The following FZD3 variants were observed in gnomAD, a reference collection of about 807,000 sequenced individuals.
FZD3 encodes frizzled-3.
Under a neutral mutation model 60.7 loss-of-function variants are expected in FZD3, and 30 were observed. The ratio of observed to expected loss-of-function variants is 0.49; its 90% CI spans 0.37 to 0.67. The LOEUF is 0.67. FZD3 is among the 30% of genes least tolerant of loss of function. The pLI is 0.00. For missense variants in FZD3, 605 were observed against 838.7 expected (o/e 0.72, Z 3.44); for synonymous variants, 246 against 275.2 (o/e 0.89, Z 1.05).
rs1337783476 is a variant in FZD3 at position 28,565,955 on chromosome 8, A to G, written c.*2944A>G. The G allele has an allele frequency of 7.4e-6, 1 of 135,996 alleles. No homozygotes were observed. The highest frequency in any genetic ancestry group is 2.2e-4 in the East Asian group (1 of 4,568). 8.4% of individuals were successfully genotyped at this position (135,996 alleles called of 1,614,324 possible). ...TAATATATTATCAAAAGGTTTTCAA[A>G]AAGTACTTTGATTTCAGCAACTTTT... On this transcript the variant is annotated 3_prime_UTR_variant, in exon 8 of 8. Transcript: ENST00000240093.
At chr8:28,510,554 A>G (rs1804258710) in intron 3 of FZD3, among the ~76,000 whole-genome samples, 1 of 152,206 alleles carries the variant, frequency 6.6e-6, no homozygotes, top group African/African-American at 2.4e-5. Context: ...AGAGACAGAA[A>G]CACCTTCATA....
At chr8:28,514,551 T>G (rs1040128144) in intron 3 of FZD3, among the ~76,000 whole-genome samples, 2 of 152,212 alleles carry the variant, frequency 1.3e-5, no homozygotes, top group Non-Finnish European at 2.9e-5. Context: ...CGCTCTCTAC[T>G]GCCTGCTCCA....
intron 3 of FZD3, among the ~76,000 whole-genome samples, chr8:28,509,050 A>T (rs548873252): frequency 6.6e-6 from 1 of 152,288 alleles, no homozygotes; most frequent in African/African-American, 2.4e-5. Flanking sequence ...ATCAGCAAGG[A>T]TGTACAATCA....
intron 1 of FZD3, among the ~76,000 whole-genome samples, chr8:28,494,646 G>A (rs967717281): frequency 2.6e-5 from 4 of 152,054 alleles, no homozygotes; most frequent in African/African-American, 9.7e-5. Context: ...TAAGGGGGGA[G>A]CTGCCCCGGG....
At chr8:28,494,392 GGA>G (rs1803777936) in intron 1 of FZD3, 49 bp downstream of exon 1, 1 of 152,324 alleles carries the variant, frequency 6.6e-6, no homozygotes, top group African/African-American at 2.4e-5. Context: ...AGCGGGAGAA[GGA>G]GCGGCGAGTG....
chr8:28,519,586 CCT>C (rs1427855640), intron 3 of FZD3, among the ~76,000 whole-genome samples: 1 of 151,614 alleles, frequency 6.6e-6, no homozygotes, highest in African/African-American at 2.4e-5. Context: ...AAAAATTAAC[CCT>C]GTGTGGTGGT....
intron 1 of FZD3, among the ~76,000 whole-genome samples, chr8:28,496,404 G>A (rs1803844102): frequency 6.6e-6 from 1 of 152,016 alleles, no homozygotes; most frequent in African/African-American, 2.4e-5. Context: ...TTCTTTGAGC[G>A]GTTTTGGCCT....
At chr8:28,544,739 T>C (rs868166621) in intron 5 of FZD3, among the ~76,000 whole-genome samples, 7 of 152,356 alleles carry the variant, frequency 4.6e-5, no homozygotes, top group African/African-American at 1.2e-4. Flanking sequence ...AACCACAATT[T>C]ACATTTTTCC....
intron 3 of FZD3, among the ~76,000 whole-genome samples, chr8:28,518,434 A>T (rs1804490583): frequency 6.6e-6 from 1 of 152,024 alleles, no homozygotes; most frequent in South Asian, 2.1e-4. Context: ...TCTGCCTCTG[A>T]TTTGTCTCTG....
intron 5 of FZD3, among the ~76,000 whole-genome samples, chr8:28,550,210 C>T (rs1009705392): frequency 3.3e-5 from 5 of 151,602 alleles, no homozygotes; most frequent in African/African-American, 1.2e-4. Context: ...TTTTTATTTC[C>T]TCTGGAGTCA....
At chr8:28,515,117 C>T (rs1804389698) in intron 3 of FZD3, among the ~76,000 whole-genome samples, 1 of 152,144 alleles carries the variant, frequency 6.6e-6, no homozygotes, top group African/African-American at 2.4e-5. Context: ...AATAATGGTA[C>T]TTACCTTATA....
rs1803770268 is a variant in FZD3 at position 28,494,244 on chromosome 8, CG to C, written c.-488del. The C allele has an allele frequency of 6.6e-6, 1 of 151,846 alleles. No homozygotes were observed. The highest frequency in any genetic ancestry group is 6.6e-5 in the Admixed American group (1 of 15,252). 9.4% of individuals were successfully genotyped at this position (151,846 alleles called of 1,614,324 possible). Reference sequence around the variant, plus strand: ...CTCGCTGTCGCTGGGAGGCGCGCGCCGGCGTTCCTCGGCCGCTCCGGGTACC... The same window carrying C: ...CTCGCTGTCGCTGGGAGGCGCGCGCCGCGTTCCTCGGCCGCTCCGGGTACC... On this transcript the variant is annotated 5_prime_UTR_variant, in exon 1 of 8. Coordinates refer to ENST00000240093, the MANE Select transcript of FZD3 (RefSeq NM_017412.4).
chr8:28,559,690 T>G (rs144408562), intron 7 of FZD3, among the ~76,000 whole-genome samples: 1 of 152,310 alleles, frequency 6.6e-6, no homozygotes, highest in Non-Finnish European at 1.5e-5. Context: ...ATTCCAAGAC[T>G]GTGGTGAACC....
At chr8:28,530,269 C>G (rs984943371) in intron 5 of FZD3, 1 of 152,070 alleles carries the variant, frequency 6.6e-6, no homozygotes, top group Non-Finnish European at 1.5e-5. Flanking sequence ...TTCTTACTTT[C>G]ATTAATTACT....
chr8:28,525,352 T>C (rs1804689707), intron 4 of FZD3, among the ~76,000 whole-genome samples: 1 of 152,124 alleles, frequency 6.6e-6, no homozygotes, highest in Non-Finnish European at 1.5e-5. Context: ...AGGGATACAA[T>C]ATAGGAGAGC....
rs1229305741 is a variant in FZD3 at position 28,567,837 on chromosome 8, T to G, written c.*4826T>G. The G allele has an allele frequency of 1.3e-5, 2 of 152,196 alleles. No individual in the cohort carries two copies. Among genetic ancestry groups the G allele is most frequent in the African/African-American group, 4.8e-5 (2 of 41,454 alleles). The allele number at this position is 152,196 out of a possible 1,614,324, so 9.4% of individuals were successfully genotyped here. On this transcript the variant is annotated 3_prime_UTR_variant, in exon 8 of 8. Transcript: ENST00000240093. The stretch of plus-strand genomic sequence containing the variant: ...AATTTGTAGAACAAATTTGGGGATA[T>G]TCATTTTATTTTTCCTTTTATATGA...
At chr8:28,526,348 G>A (rs1294823275) in intron 4 of FZD3, among the ~76,000 whole-genome samples, 1 of 152,092 alleles carries the variant, frequency 6.6e-6, no homozygotes, top group Non-Finnish European at 1.5e-5. Context: ...AATGCTGATT[G>A]GCTTACTGCT....
intron 3 of FZD3, among the ~76,000 whole-genome samples, chr8:28,503,509 A>G (rs1341741917): frequency 3.3e-5 from 5 of 152,188 alleles, no homozygotes; most frequent in Non-Finnish European, 1.5e-5. Flanking sequence ...GCAGTGAAAA[A>G]GTTTTTGTCA....
intron 5 of FZD3, among the ~76,000 whole-genome samples, chr8:28,536,490 C>T (rs1398235807): frequency 4.6e-5 from 7 of 152,120 alleles, no homozygotes; most frequent in Non-Finnish European, 1.0e-4. Flanking sequence ...GGTGGATCAC[C>T]TGAGGTTGGG....
Sources: gnomAD v4.1 joint callset for allele counts (sites outside exome capture counted in the v4.1 genomes callset) on GRCh38, gnomAD v4.1.1 for gene constraint, MANE v1.5 for transcripts, NCBI Gene and HGNC (gene_info 2026-07-23, HGNC 2026-07-21) for gene names.